SHROOM3: variants seen among roughly 807,000 people sequenced by gnomAD.
The protein encoded by SHROOM3 is protein Shroom3.
SHROOM3 carries 47 observed loss-of-function variants against 138.6 expected under a neutral mutation model. That is an observed-to-expected ratio of 0.34 (90% CI 0.27 to 0.43). The LOEUF is 0.43. Among genes scored for constraint, SHROOM3 ranks in the 20% least tolerant of loss-of-function variants. The pLI is 1.00. For missense variants in SHROOM3, 2,491 were observed against 2,596.5 expected, an observed-to-expected ratio of 0.96 and a Z score of 0.88; for synonymous variants, 1,062 against 1,063.3, an observed-to-expected ratio of 1.00 and a Z score of 0.02.
At chr4:76,552,672 C>T (rs1178319804) in intron 1 of SHROOM3, among the ~76,000 whole-genome samples, 1 of 150,646 alleles carries the variant, frequency 6.6e-6, no homozygotes, top group East Asian at 1.9e-4. Flanking sequence ...ATGTATGTAG[C>T]TATGTCTGCA....
intron 1 of SHROOM3, among the ~76,000 whole-genome samples, chr4:76,498,500 A>C (rs1418655294): frequency 6.6e-6 from 1 of 152,016 alleles, no homozygotes; most frequent in Non-Finnish European, 1.5e-5. Context: ...GGACTGGTTG[A>C]CTTTTTCTTT....
At chr4:76,599,189 T>C (rs1734452102) in intron 2 of SHROOM3, among the ~76,000 whole-genome samples, 1 of 152,132 alleles carries the variant, frequency 6.6e-6, no homozygotes, top group Non-Finnish European at 1.5e-5. Flanking sequence ...GCTGAGGTGT[T>C]ACCTGTTGAA....
intron 1 of SHROOM3, among the ~76,000 whole-genome samples, chr4:76,522,494 G>A (rs891682990): frequency 6.6e-6 from 1 of 151,974 alleles, no homozygotes; most frequent in African/African-American, 2.4e-5. Flanking sequence ...CTCTGACCAG[G>A]TTGCTTCTCA....
At chr4:76,753,522 G>A (rs1470424610) in intron 6 of SHROOM3, among the ~76,000 whole-genome samples, 1 of 152,196 alleles carries the variant, frequency 6.6e-6, no homozygotes, top group African/African-American at 2.4e-5. Flanking sequence ...TTGCTGGAGA[G>A]CTTTTTATCC....
At chr4:76,680,307 A>AT (rs1719155125) in intron 2 of SHROOM3, among the ~76,000 whole-genome samples, 1 of 151,938 alleles carries the variant, frequency 6.6e-6, no homozygotes, top group South Asian at 2.1e-4. Flanking sequence ...CGCCCGGCTA[A>AT]TTTTTTGTAT....
chr4:76,483,350 A>T (rs1009825501), intron 1 of SHROOM3, among the ~76,000 whole-genome samples: 1 of 152,252 alleles, frequency 6.6e-6, no homozygotes, highest in East Asian at 1.9e-4. Flanking sequence ...ATGAACAGAC[A>T]TTTCTCAAAA....
chr4:76,446,714 G>C (rs1476376226), intron 1 of SHROOM3, among the ~76,000 whole-genome samples: 2 of 152,198 alleles, frequency 1.3e-5, no homozygotes, highest in East Asian at 1.9e-4. Flanking sequence ...ACAATGATCT[G>C]CTGGGGCACA....
At chr4:76,687,175 G>A (rs1719365498) in intron 2 of SHROOM3, among the ~76,000 whole-genome samples, 1 of 152,152 alleles carries the variant, frequency 6.6e-6, no homozygotes, top group Admixed American at 6.5e-5. Flanking sequence ...AAGAAAAAAT[G>A]TACAAATTAC....
At chr4:76,480,300 A>T (rs1175677567) in intron 1 of SHROOM3, among the ~76,000 whole-genome samples, 1 of 152,226 alleles carries the variant, frequency 6.6e-6, no homozygotes, top group South Asian at 2.1e-4. Context: ...AAGATTTACC[A>T]AGCAAATGGA....
intron 3 of SHROOM3, 80 bp from the exon 4 acceptor site, chr4:76,730,724 C>T: frequency 6.3e-7 from 1 of 1,598,306 alleles, no homozygotes; most frequent in Non-Finnish European, 8.5e-7. Flanking sequence ...TCTTCGCTTC[C>T]AAATCCACAA....
rs1349029020 is a variant in SHROOM3, at chr4:76,660,226, C to A, written c.324-49930C>A. On this transcript the variant is annotated intron_variant, in intron 2 of 10. Coordinates refer to ENST00000296043, the MANE Select transcript of SHROOM3 (RefSeq NM_020859.4). ...AATTTGCACTTGGGCATAGAATAAA[C>A]CCACAAGGAGCCCTTTGCAGGACTA... Among the ~76,000 whole-genome samples, 3 of 152,132 alleles carry A rather than the reference C, an allele frequency of 2.0e-5. No homozygotes were observed. In the East Asian group the frequency reaches 5.8e-4, roughly 29 times the overall value.
intron 1 of SHROOM3, among the ~76,000 whole-genome samples, chr4:76,517,285 T>C (rs1385032343): frequency 6.6e-6 from 1 of 152,210 alleles, no homozygotes; most frequent in Non-Finnish European, 1.5e-5. Flanking sequence ...CCAGTTTACA[T>C]GCAGTTGGCA....
chr4:76,642,674 A>T (rs1214263168), intron 2 of SHROOM3, among the ~76,000 whole-genome samples: 1 of 152,198 alleles, frequency 6.6e-6, no homozygotes, highest in Non-Finnish European at 1.5e-5. Flanking sequence ...CGAACTGTAA[A>T]GAGATAAAAG....
At chr4:76,689,488 C>T (rs1299631889) in intron 2 of SHROOM3, 3 of 976,162 alleles carry the variant, frequency 3.1e-6, no homozygotes, top group Non-Finnish European at 3.6e-6. Context: ...GATCAGCGTC[C>T]TCCAGCCGCG....
At chr4:76,482,612 C>T (rs1731640620) in intron 1 of SHROOM3, among the ~76,000 whole-genome samples, 1 of 152,176 alleles carries the variant, frequency 6.6e-6, no homozygotes, top group Non-Finnish European at 1.5e-5. Context: ...CCCCATCAAT[C>T]TACCATTGAC....
chr4:76,544,229 G>A (rs941573386), intron 1 of SHROOM3, among the ~76,000 whole-genome samples: 1 of 152,066 alleles, frequency 6.6e-6, no homozygotes, highest in Non-Finnish European at 1.5e-5. Context: ...AAAATATGAT[G>A]TTAGATTATG....
rs766602917 is a variant in SHROOM3 at position 76,741,387 on chromosome 4, A to C, written c.3214A>C (p.Ser1072Arg). Residue 1072 changes from serine (S) to arginine (R), a missense_variant, in exon 5 of 11, where the codon AGC becomes CGC. Around this residue, in one of 4 missense-constraint regions of SHROOM3, gnomAD observed 1,733 missense variants for 1,661.6 expected, o/e 1.04. Transcript: ENST00000296043. This position sits in a 1 kb window ranked among gnomAD's most constrained non-coding sequence, Gnocchi z 6.2. ...CGATGGCAAGGCCTGCTCCACGCTC[A>C]GCCTGTCGGGGCCCGAGCTGAAGCA... ...ERDGKACSTL[S>R]LSGPELKQFQ... is the part of the protein sequence containing the mutation. 1.8e-5 allele frequency: 29 copies of C among 1,602,734 alleles called. No individual in the cohort carries two copies. The East Asian group carries it at 6.3e-4, about 35-fold the overall frequency.
intron 9 of SHROOM3, among the ~76,000 whole-genome samples, chr4:76,761,999 G>A (rs1176927292): frequency 3.3e-5 from 5 of 152,166 alleles, no homozygotes; most frequent in Non-Finnish European, 7.3e-5. Context: ...AAAGGTTATA[G>A]GATTCGAGTC....
At chr4:76,595,892 CT>C (rs1463944690) in intron 2 of SHROOM3, among the ~76,000 whole-genome samples, 1 of 152,120 alleles carries the variant, frequency 6.6e-6, no homozygotes, top group Non-Finnish European at 1.5e-5. Context: ...GTAATTTTAT[CT>C]TTTTGTACAT....
Sources: gnomAD v4.1 joint callset for allele counts (sites outside exome capture counted in the v4.1 genomes callset) on GRCh38, gnomAD v4.1.1 for gene constraint, gnomAD v4.1.1 regional missense constraint, Gnocchi (gnomAD v3.1) non-coding constraint, MANE v1.5 for transcripts, NCBI Gene and HGNC (gene_info 2026-07-23, HGNC 2026-07-21) for gene names.